The following REDIC1 variants were observed in gnomAD, a reference collection of about 807,000 sequenced individuals.
REDIC1 encodes the protein HEI10 Interacting Protein 1.
At chr12:39,682,753 G>A in the REDIC1 span, 3 of 1,613,242 alleles carry the variant, frequency 1.9e-6, no homozygotes, top group East Asian at 2.2e-5. Context: ...TGGAAAGGAA[G>A]TTTCAAATTT....
the REDIC1 span, among the ~76,000 whole-genome samples, chr12:39,893,313 C>A: frequency 6.6e-6 from 1 of 152,052 alleles, no homozygotes; most frequent in Admixed American, 6.5e-5. Context: ...CTTTTCTTTT[C>A]TTTTGAGATG....
At chr12:39,883,285 C>T in the REDIC1 span, among the ~76,000 whole-genome samples, 192 of 152,178 alleles carry the variant, frequency 1.3e-3, no homozygotes, top group Admixed American at 3.9e-3. Context: ...TCTGAATACG[C>T]CTCACCACCA....
chr12:39,899,997 C>CAAGT, the REDIC1 span, among the ~76,000 whole-genome samples: 6,993 of 152,168 alleles, frequency 0.046, 287 homozygotes, highest in Admixed American at 0.13. Flanking sequence ...CCACCATGAT[C>CAAGT]AAGTGGGCTT....
chr12:39,844,258 A>T, the REDIC1 span, among the ~76,000 whole-genome samples: 942 of 152,154 alleles, frequency 6.2e-3, 12 homozygotes, highest in African/African-American at 0.021. Flanking sequence ...AACTTTTAAA[A>T]ATTTCAAGGC....
chr12:39,904,320 G>A, the REDIC1 span, among the ~76,000 whole-genome samples: 1 of 152,108 alleles, frequency 6.6e-6, no homozygotes, highest in South Asian at 2.1e-4. Flanking sequence ...AAACCACATT[G>A]TAGTTTAGAC....
the REDIC1 span, among the ~76,000 whole-genome samples, chr12:39,768,560 TA>T: frequency 6.6e-6 from 1 of 152,054 alleles, no homozygotes; most frequent in South Asian, 2.1e-4. Flanking sequence ...GTAGAGTTAT[TA>T]ACTGTAGTGT....
the REDIC1 span, among the ~76,000 whole-genome samples, chr12:39,850,605 G>A: frequency 6.6e-6 from 1 of 152,024 alleles, no homozygotes; most frequent in African/African-American, 2.4e-5. Context: ...ATTAGTATAC[G>A]GTAATTGCCA....
chr12:39,711,769 G>GTACACA, the REDIC1 span, among the ~76,000 whole-genome samples: 15 of 113,546 alleles, frequency 1.3e-4, no homozygotes, highest in African/African-American at 4.1e-4. Flanking sequence ...GTATGTGTGT[G>GTACACA]TGCACATGCA....
chr12:39,730,235 C>T, the REDIC1 span, among the ~76,000 whole-genome samples: 8 of 152,012 alleles, frequency 5.3e-5, no homozygotes, highest in African/African-American at 9.7e-5. Flanking sequence ...CGTTAGTTGG[C>T]GCAGTTTCTT....
chr12:39,853,806 T>TCACAC, the REDIC1 span, among the ~76,000 whole-genome samples: 1 of 152,168 alleles, frequency 6.6e-6, no homozygotes. Context: ...ACCCAGAATT[T>TCACAC]CATTTATGTT....
chr12:39,853,577 TCTTC>T, the REDIC1 span, among the ~76,000 whole-genome samples: 135 of 151,874 alleles, frequency 8.9e-4, 2 homozygotes, highest in East Asian at 0.017. Flanking sequence ...TTCCTTCCTT[TCTTC>T]CTTCCTTCCT....
At chr12:39,812,777 T>C in the REDIC1 span, among the ~76,000 whole-genome samples, 1 of 151,116 alleles carries the variant, frequency 6.6e-6, no homozygotes, top group African/African-American at 2.4e-5. Context: ...TGGCGGTTTC[T>C]AATTTCAACA....
the REDIC1 span, among the ~76,000 whole-genome samples, chr12:39,660,968 G>A: frequency 1.3e-5 from 2 of 151,952 alleles, no homozygotes; most frequent in Non-Finnish European, 2.9e-5. Flanking sequence ...CACCCATGTT[G>A]CTGCAAATGA....
chr12:39,867,965 A>G, the REDIC1 span, among the ~76,000 whole-genome samples: 1 of 152,216 alleles, frequency 6.6e-6, no homozygotes, highest in Non-Finnish European at 1.5e-5. Context: ...TTTATAAAAT[A>G]AATTTTTAAG....
At chr12:39,728,808 A>C in the REDIC1 span, among the ~76,000 whole-genome samples, 1 of 88,154 alleles carries the variant, frequency 1.1e-5, no homozygotes, top group African/African-American at 4.6e-5. Flanking sequence ...TTTGGTTGGT[A>C]GGCTATTAAT....
chr12:39,685,050 A>T, the REDIC1 span: 1 of 591,590 alleles, frequency 1.7e-6, no homozygotes, highest in Non-Finnish European at 2.7e-6. Context: ...TATTGGATGG[A>T]CTCTTTTTCT....
chr12:39,821,051 A>T, the REDIC1 span, among the ~76,000 whole-genome samples: 2 of 151,692 alleles, frequency 1.3e-5, no homozygotes, highest in African/African-American at 2.4e-5. Flanking sequence ...TCCTTTCATA[A>T]TTTTTTACCC....
the REDIC1 span, among the ~76,000 whole-genome samples, chr12:39,742,493 T>C: frequency 6.6e-6 from 1 of 152,188 alleles, no homozygotes; most frequent in Non-Finnish European, 1.5e-5. Context: ...ACAGCTGTCT[T>C]GGTGACCCCT....
the REDIC1 span, among the ~76,000 whole-genome samples, chr12:39,845,541 A>G: frequency 6.2e-3 from 943 of 152,250 alleles, 12 homozygotes; most frequent in African/African-American, 0.021. Flanking sequence ...ATGAAAAACT[A>G]TATGTGTGAA....
Sources: allele counts gnomAD v4.1 joint callset (sites outside exome capture counted in the v4.1 genomes callset), GRCh38; gene constraint gnomAD v4.1.1; transcripts MANE v1.5; gene names NCBI Gene and HGNC (gene_info 2026-07-23, HGNC 2026-07-21).